Variants in MTHFD2L observed in about 807,000 individuals in gnomAD.
MTHFD2L encodes methylenetetrahydrofolate dehydrogenase (NADP+ dependent) 2 like, also known as bifunctional methylenetetrahydrofolate dehydrogenase/cyclohydrolase 2, mitochondrial.
In MTHFD2L, 29 loss-of-function variants were observed where a neutral mutation model predicts 34.9. The observed-to-expected ratio is 0.83, with a 90% CI of 0.62 to 1.13. MTHFD2L has a LOEUF of 1.13. MTHFD2L is among the 50% of genes most tolerant of loss of function. The probability of loss-of-function intolerance (pLI) is 0.00; values close to 1 mark genes in which losing one functional copy is unlikely to be tolerated. For missense variants in MTHFD2L, 481 were observed against 446.5 expected (o/e 1.08, Z -0.70); for synonymous variants, 167 against 155.7 (o/e 1.07, Z -0.54).
chr4:74,223,735 A>AT lies in MTHFD2L; in HGVS notation c.713-1559dup, dbSNP rs1167662616. Among the ~76,000 whole-genome samples, 20 of 151,622 alleles carry AT rather than the reference A, an allele frequency of 1.3e-4. No individual in the cohort carries two copies. The Middle Eastern group carries it at 0.014, about 103-fold the overall frequency. ...TATTGGTACATTGCTAAGTTCTTAAATTTTTTTTGCCTTTGTTTTGCCTTT... is the reference window on the plus strand; with the variant it reads ...TATTGGTACATTGCTAAGTTCTTAAATTTTTTTTTGCCTTTGTTTTGCCTTT... On this transcript the variant is annotated intron_variant, in intron 5 of 7. Coordinates refer to ENST00000325278, the MANE Select transcript of MTHFD2L (RefSeq NM_001144978.3).
intron 6 of MTHFD2L, among the ~76,000 whole-genome samples, chr4:74,280,630 GTTT>G (rs11299871): frequency 3.8e-4 from 57 of 148,062 alleles, no homozygotes; most frequent in African/African-American, 1.4e-3. Context: ...ATTGTTCAAT[GTTT>G]TTTTTTTTTA....
intron 6 of MTHFD2L, among the ~76,000 whole-genome samples, chr4:74,263,949 A>C (rs1168543914): frequency 6.6e-6 from 1 of 152,042 alleles, no homozygotes; most frequent in Non-Finnish European, 1.5e-5. Flanking sequence ...AACTAAAACA[A>C]ACAAAAATAA....
intron 1 of MTHFD2L, among the ~76,000 whole-genome samples, chr4:74,166,924 G>A (rs1036343984): frequency 1.3e-5 from 2 of 152,074 alleles, no homozygotes; most frequent in East Asian, 1.9e-4. Context: ...TAGGTACCAG[G>A]GCCATTCCAG....
chr4:74,199,782 T>C lies in MTHFD2L; in HGVS notation c.452-12T>C, dbSNP rs748083843. 7.0e-6 allele frequency: 11 copies of C among 1,579,194 alleles called. No individual in the cohort carries two copies. Among genetic ancestry groups the C allele is most frequent in the Non-Finnish European group, 9.4e-6 (11 of 1,165,132 alleles). ...CAATTTTAAAATTAGACAAATTTTA[T>C]TTATTTTTCAGACCACGTTGATGAG... On this transcript the variant is annotated splice_polypyrimidine_tract_variant and intron_variant, in intron 3 of 7. Coordinates refer to ENST00000325278, the MANE Select transcript of MTHFD2L (RefSeq NM_001144978.3).
At chr4:74,126,387 G>A (rs1722073837) in intron 1 of MTHFD2L, among the ~76,000 whole-genome samples, 2 of 152,028 alleles carry the variant, frequency 1.3e-5, no homozygotes, top group South Asian at 4.1e-4. Flanking sequence ...TCAATTTTTG[G>A]TGAATCTGTG....
At chr4:74,124,782 C>T (rs1000209653), upstream of MTHFD2L, among the ~76,000 whole-genome samples, 1 of 152,000 alleles carries the variant, frequency 6.6e-6, no homozygotes, top group East Asian at 1.9e-4. Flanking sequence ...ACATTTTATA[C>T]CTTTGCATCC....
chr4:74,131,640 A>T (rs1020237537), intron 1 of MTHFD2L, among the ~76,000 whole-genome samples: 72 of 152,150 alleles, frequency 4.7e-4, no homozygotes, highest in Non-Finnish European at 8.8e-5. Flanking sequence ...CAAGAAGAAA[A>T]CCTAGGCAGT....
At chr4:74,253,792 G>T (rs892312105) in intron 6 of MTHFD2L, among the ~76,000 whole-genome samples, 1 of 152,102 alleles carries the variant, frequency 6.6e-6, no homozygotes, top group Admixed American at 6.5e-5. Context: ...TAGGCTGGAG[G>T]CCAGCACCAG....
chr4:74,242,925 A>G (rs531570145), intron 6 of MTHFD2L, among the ~76,000 whole-genome samples: 18 of 152,376 alleles, frequency 1.2e-4, no homozygotes, highest in African/African-American at 4.1e-4. Context: ...CTACAATTCT[A>G]TAACTCTCTC....
At chr4:74,212,117 T>C (rs890539239) in intron 5 of MTHFD2L, among the ~76,000 whole-genome samples, 1 of 152,132 alleles carries the variant, frequency 6.6e-6, no homozygotes, top group East Asian at 1.9e-4. Flanking sequence ...TTTATTTTGT[T>C]AATCTTAAAA....
At chr4:74,256,760 A>G (rs1744075868) in intron 6 of MTHFD2L, among the ~76,000 whole-genome samples, 1 of 152,152 alleles carries the variant, frequency 6.6e-6, no homozygotes, top group South Asian at 2.1e-4. Flanking sequence ...ATAGTTATAT[A>G]TGTGCAGTTT....
intron 3 of MTHFD2L, chr4:74,181,899 TG>T (rs1310051946): frequency 7.2e-5 from 11 of 152,204 alleles, no homozygotes; most frequent in Admixed American, 2.6e-4. Flanking sequence ...CATGGAGATA[TG>T]TGTATTTGTC....
chr4:74,125,647 T>C (rs1341714192), intron 1 of MTHFD2L: 1 of 152,148 alleles, frequency 6.6e-6, no homozygotes, highest in Non-Finnish European at 1.5e-5. Context: ...TTTTTTTGCT[T>C]CTATTTAAAA....
chr4:74,296,729 G>C (rs1749683204), intron 7 of MTHFD2L, among the ~76,000 whole-genome samples: 1 of 152,008 alleles, frequency 6.6e-6, no homozygotes. Context: ...TATTGACAAT[G>C]TGCAATATTG....
intron 6 of MTHFD2L, among the ~76,000 whole-genome samples, chr4:74,274,770 T>C: frequency 6.6e-6 from 1 of 152,262 alleles, no homozygotes; most frequent in South Asian, 2.1e-4. Flanking sequence ...GAGGTCACAT[T>C]AGTAGCTTGA....
intron 1 of MTHFD2L, among the ~76,000 whole-genome samples, chr4:74,167,727 G>C (rs1033895386): frequency 6.6e-6 from 1 of 152,152 alleles, no homozygotes; most frequent in Non-Finnish European, 1.5e-5. Context: ...ACATGGTGCA[G>C]TTCATGAATT....
chr4:74,240,202 C>T (rs953391316), intron 6 of MTHFD2L, among the ~76,000 whole-genome samples: 3 of 152,256 alleles, frequency 2.0e-5, no homozygotes, highest in South Asian at 4.2e-4. Context: ...CGGGAAATGG[C>T]GTTAGTTTTA....
chr4:74,170,387 A>G (rs181727144), intron 1 of MTHFD2L, among the ~76,000 whole-genome samples: 2 of 152,342 alleles, frequency 1.3e-5, no homozygotes, highest in Non-Finnish European at 2.9e-5. Context: ...TCATCTCAAT[A>G]GACATAAAAA....
chr4:74,283,185 A>T (rs1340932817), intron 7 of MTHFD2L, among the ~76,000 whole-genome samples: 1 of 152,180 alleles, frequency 6.6e-6, no homozygotes, highest in Non-Finnish European at 1.5e-5. Flanking sequence ...AGGCAAGCTT[A>T]CCCAGCAGTT....
Sources: gnomAD v4.1 joint callset for allele counts (sites outside exome capture counted in the v4.1 genomes callset) on GRCh38, gnomAD v4.1.1 for gene constraint, MANE v1.5 for transcripts, NCBI Gene and HGNC (gene_info 2026-07-23, HGNC 2026-07-21) for gene names.